ZNF329: variants seen among roughly 807,000 people sequenced by gnomAD.
ZNF329 encodes the protein zinc finger protein 329.
ZNF329 carries 15 observed loss-of-function variants against 26.6 expected under a neutral mutation model. The ratio of observed to expected loss-of-function variants is 0.56; its 90% CI spans 0.38 to 0.87. The LOEUF is 0.87. Among genes scored for constraint, ZNF329 ranks in the 40% least tolerant of loss-of-function variants. The probability of loss-of-function intolerance (pLI) is 0.00; values close to 1 mark genes in which losing one functional copy is unlikely to be tolerated. For missense variants in ZNF329, 651 were observed against 651.9 expected (o/e 1.00, Z 0.02); for synonymous variants, 239 against 233.5 (o/e 1.02, Z -0.21).
At chr19:58,131,783 G>A (rs1392259884) in intron 3 of ZNF329, among the ~76,000 whole-genome samples, 3 of 152,096 alleles carry the variant, frequency 2.0e-5, no homozygotes, top group African/African-American at 7.2e-5. Context: ...CAGCACTTTG[G>A]GAGGCTGAGG....
At chr19:58,151,774 A>G (rs2075459288), upstream of ZNF329, among the ~76,000 whole-genome samples, 1 of 152,240 alleles carries the variant, frequency 6.6e-6, no homozygotes, top group Non-Finnish European at 1.5e-5. Flanking sequence ...AGTAACAATA[A>G]CATGGACCAG....
intron 1 of ZNF329, among the ~76,000 whole-genome samples, chr19:58,144,380 CTA>C (rs913740807): frequency 1.0e-4 from 7 of 66,758 alleles, no homozygotes; most frequent in East Asian, 6.2e-4. Context: ...ATCTATCTAT[CTA>C]TATATATATA....
chr19:58,148,167 CT>C (rs2075368604), intron 1 of ZNF329, among the ~76,000 whole-genome samples: 1 of 151,770 alleles, frequency 6.6e-6, no homozygotes, highest in South Asian at 2.1e-4. Context: ...GCAAGATGTG[CT>C]TTGTTAAACA....
Position 58,128,665 on chromosome 19 carries a change from A to C in ZNF329, c.839T>G (p.Ile280Ser), listed in dbSNP as rs2074859795. The C allele has an allele frequency of 6.2e-7, 1 of 1,602,440 alleles. No homozygotes were observed. Reference sequence around the variant, plus strand: ...TTCATAAGGTTTCTCGCCTGTGTGAATTCTCTGGTGCTGTGTCAGAGCTGA... The same window carrying C: ...TTCATAAGGTTTCTCGCCTGTGTGACTTCTCTGGTGCTGTGTCAGAGCTGA... ...DGSALTQHQR[I>S]HTGEKPYECL... is the part of the protein sequence containing the mutation. Residue 280 changes from isoleucine (I) to serine (S), a missense_variant, in exon 4 of 4, where the codon ATT becomes AGT. Ile to Ser is a moderately radical substitution (Grantham distance 142). Transcript: ENST00000598312.
Position 58,129,222 on chromosome 19 carries a change from A to T in ZNF329, c.282T>A (p.Pro94=), listed in dbSNP as rs780551805. The change falls in exon 4 of 4, where the codon CCT becomes CCA. Residue 94 remains proline (P), a synonymous_variant. Transcript: ENST00000598312. ...RVLATNGFHA[P]DSNVSGLDCD... is the part of the protein sequence containing the mutation. ...AATCCAGACCACTAACATTTGAGTC[A>T]GGTGCATGGAAACCATTTGTTGCCA... The T allele has an allele frequency of 1.2e-6, 2 of 1,614,248 alleles. No individual in the cohort carries two copies. The highest frequency in any genetic ancestry group is 1.7e-6 in the Non-Finnish European group (2 of 1,180,042).
intron 3 of ZNF329, among the ~76,000 whole-genome samples, chr19:58,138,662 C>T (rs2075121945): frequency 6.6e-6 from 1 of 152,132 alleles, no homozygotes; most frequent in Non-Finnish European, 1.5e-5. Flanking sequence ...AAAGCACCTC[C>T]CCGCACGTTT....
chr19:58,150,436 G>C (rs913873533), intron 1 of ZNF329, among the ~76,000 whole-genome samples: 1 of 152,216 alleles, frequency 6.6e-6, no homozygotes, highest in East Asian at 1.9e-4. Flanking sequence ...TCTATGGGAG[G>C]GCGGGCTAGA....
At chr19:58,145,333 T>G (rs2075284896) in intron 1 of ZNF329, among the ~76,000 whole-genome samples, 1 of 123,632 alleles carries the variant, frequency 8.1e-6, no homozygotes, top group South Asian at 2.8e-4. Flanking sequence ...TTTTTTTTTT[T>G]TTTTTGGAGA....
intron 3 of ZNF329, among the ~76,000 whole-genome samples, chr19:58,138,023 G>C (rs899220469): frequency 8.6e-5 from 13 of 152,016 alleles, no homozygotes; most frequent in Non-Finnish European, 8.8e-5. Flanking sequence ...GAACACATAA[G>C]TGATATTAAT....
At chr19:58,149,613 T>C (rs532350315) in intron 1 of ZNF329, among the ~76,000 whole-genome samples, 1 of 152,194 alleles carries the variant, frequency 6.6e-6, no homozygotes, top group South Asian at 2.1e-4. Flanking sequence ...AAACAAGCAG[T>C]AGAATGGAGG....
rs1390728691 is a variant in ZNF329, at chr19:58,142,779, TAA to T, written c.-113-120_-113-119del. 7.2e-5 allele frequency: 11 copies of T among 152,442 alleles called. No individual in the cohort carries two copies. The East Asian group carries it at 2.1e-3, about 29-fold the overall frequency. 9.4% of individuals were successfully genotyped at this position (152,442 alleles called of 1,614,324 possible). A position where few individuals can be genotyped will look rare whatever the true frequency, so the allele number is the denominator to read the frequency against. ...GTCAGCCATGTGATTACAAGTGTGATAAAGAGTCTGACTCCATTTTGGATGGT... is the reference window on the plus strand; with the variant it reads ...GTCAGCCATGTGATTACAAGTGTGATAGAGTCTGACTCCATTTTGGATGGT... On this transcript the variant is annotated intron_variant, in intron 2 of 3. Transcript: ENST00000598312.
At chr19:58,140,224 G>C (rs1568668237) in intron 3 of ZNF329, among the ~76,000 whole-genome samples, 1 of 152,036 alleles carries the variant, frequency 6.6e-6, no homozygotes, top group East Asian at 1.9e-4. Context: ...AAATGAATTA[G>C]TGCCCCCAGA....
upstream of ZNF329, among the ~76,000 whole-genome samples, chr19:58,152,422 C>CT (rs2075472544): frequency 7.6e-6 from 1 of 131,650 alleles, no homozygotes; most frequent in Non-Finnish European, 1.7e-5. Context: ...AGTACTCGGT[C>CT]TCAAAAAAAA....
chr19:58,134,938 AAAAC>A (rs770631701), intron 3 of ZNF329, among the ~76,000 whole-genome samples: 24 of 152,278 alleles, frequency 1.6e-4, no homozygotes, highest in Admixed American at 4.6e-4. Flanking sequence ...TCCATCTCAA[AAAAC>A]AAACAAACAA....
chr19:58,154,284 C>T (rs1258896288), upstream of ZNF329, among the ~76,000 whole-genome samples: 1 of 152,232 alleles, frequency 6.6e-6, no homozygotes, highest in Non-Finnish European at 1.5e-5. Flanking sequence ...GCCGGGATTA[C>T]AGGCGTCAGC....
chr19:58,135,915 G>A lies in ZNF329; in HGVS notation c.-8-6404C>T, dbSNP rs565786093. On this transcript the variant is annotated intron_variant, in intron 3 of 3. Coordinates refer to ENST00000598312, the MANE Select transcript of ZNF329 (RefSeq NM_024620.4). ...TTCTCAGTAATTGACAGATCAAAGAGAAAACCTGATAGAAATTACAAAACA... is the reference window on the plus strand; with the variant it reads ...TTCTCAGTAATTGACAGATCAAAGAAAAAACCTGATAGAAATTACAAAACA... 1.5e-4 allele frequency among the ~76,000 whole-genome samples: 23 copies of A among 152,256 alleles called. 1 individual carries two copies. The highest frequency in any genetic ancestry group is 1.5e-3 in the Admixed American group (23 of 15,272).
intron 3 of ZNF329, 84 bp downstream of exon 3, chr19:58,142,473 G>A (rs1311187602): frequency 6.6e-6 from 1 of 152,622 alleles, no homozygotes; most frequent in East Asian, 1.9e-4. Flanking sequence ...CCACATTTCT[G>A]GTATTTTAGG....
At position 58,128,658 on chromosome 19, in the gene ZNF329, T is replaced by C; in HGVS notation, c.846A>G (p.Thr282=). The C allele has an allele frequency of 1.2e-6, 2 of 1,601,946 alleles. No individual in the cohort carries two copies. Among genetic ancestry groups the C allele is most frequent in the Non-Finnish European group, 1.7e-6 (2 of 1,174,172 alleles). The part of the protein sequence containing the change: ...SALTQHQRIH[T]GEKPYECLEC... ...CTAGGCATTCATAAGGTTTCTCGCC[T>C]GTGTGAATTCTCTGGTGCTGTGTCA... Residue 282 remains threonine (T), a synonymous_variant, in exon 4 of 4, where the codon ACA becomes ACG. Coordinates refer to ENST00000598312, the MANE Select transcript of ZNF329 (RefSeq NM_024620.4).
In ZNF329 at chr19:58,128,073, G is replaced by A; in HGVS notation, c.1431C>T (p.His477=). 1 of 1,611,396 alleles carries A rather than the reference G, an allele frequency of 6.2e-7. No individual in the cohort carries two copies. The highest frequency in any genetic ancestry group is 8.5e-7 in the Non-Finnish European group (1 of 1,178,818). ...GACACTGATATGGGGTCTCCTTAGT[G>A]TGAATTCTCTGGTGCTTGGTCAGAC... ...SSCLTKHQRI[H]TKETPYQCPE... Residue 477 remains histidine, a synonymous_variant, in exon 4 of 4, where the codon CAC becomes CAT. Coordinates refer to ENST00000598312, the MANE Select transcript of ZNF329 (RefSeq NM_024620.4).
Sources: allele counts gnomAD v4.1 joint callset (sites outside exome capture counted in the v4.1 genomes callset), GRCh38; gene constraint gnomAD v4.1.1; transcripts MANE v1.5; gene names NCBI Gene and HGNC (gene_info 2026-07-23, HGNC 2026-07-21).